GRIA4: variants seen among roughly 807,000 people sequenced by gnomAD.
The protein encoded by GRIA4 is glutamate ionotropic receptor AMPA type subunit 4.
A neutral mutation model predicts 104.0 loss-of-function variants in GRIA4; 34 were observed. That is an observed-to-expected ratio of 0.33 (90% CI 0.25 to 0.44). The LOEUF is 0.44. Among genes scored for constraint, GRIA4 ranks in the 20% least tolerant of loss-of-function variants. The pLI is 1.00. For missense variants in GRIA4, 750 were observed against 1,096.5 expected, an observed-to-expected ratio of 0.68 and a Z score of 4.46; for synonymous variants, 386 against 381.9, an observed-to-expected ratio of 1.01 and a Z score of -0.13.
rs763315951 is a variant in GRIA4, at chr11:105,924,515, A to AT, written c.1594dup (p.Ser532PhefsTer15). ...CTATCATGATCAAAAAGCCTCAGAA[A>AT]TCCAAACCAGGAGTGTTTTCCTTCT... On this transcript the variant is annotated frameshift_variant, in exon 12 of 17. Coordinates refer to ENST00000282499, the MANE Select transcript of GRIA4 (RefSeq NM_000829.4). LOFTEE classifies it high-confidence loss of function. The AT allele has an allele frequency of 6.2e-7, 1 of 1,613,364 alleles. No individual in the cohort carries two copies. The highest frequency in any genetic ancestry group is 8.5e-7 in the Non-Finnish European group (1 of 1,179,476).
intron 5 of GRIA4, among the ~76,000 whole-genome samples, chr11:105,870,285 T>TTATA (rs1945565616): frequency 6.6e-6 from 1 of 151,352 alleles, no homozygotes; most frequent in South Asian, 2.1e-4. Flanking sequence ...CATAATATAA[T>TTATA]TATATAAATA....
intron 3 of GRIA4, among the ~76,000 whole-genome samples, chr11:105,649,102 C>G (rs1951615162): frequency 6.6e-6 from 1 of 152,084 alleles, no homozygotes; most frequent in East Asian, 1.9e-4. Flanking sequence ...ACTTACAACT[C>G]TATAAATAAG....
chr11:105,809,503 A>G (rs545532887), intron 4 of GRIA4, among the ~76,000 whole-genome samples: 17 of 152,244 alleles, frequency 1.1e-4, no homozygotes, highest in Admixed American at 7.9e-4. Flanking sequence ...TCACATGTCA[A>G]AGGAGGGACT....
chr11:105,673,051 T>TA (rs374601078), intron 3 of GRIA4, among the ~76,000 whole-genome samples: 50 of 152,272 alleles, frequency 3.3e-4, no homozygotes, highest in African/African-American at 1.2e-3. Context: ...CCTATGCTCT[T>TA]AGAGTAAACT....
chr11:105,778,472 C>T (rs10791775), intron 4 of GRIA4, among the ~76,000 whole-genome samples: 69,064 of 152,092 alleles, frequency 0.45, 16,101 homozygotes, highest in Middle Eastern at 0.52. Context: ...TTTGGGAGGC[C>T]GAGGTGGGAG....
chr11:105,727,125 G>C (rs1019104277), intron 3 of GRIA4, among the ~76,000 whole-genome samples: 7 of 151,944 alleles, frequency 4.6e-5, no homozygotes, highest in Non-Finnish European at 1.0e-4. Flanking sequence ...ATGGAAGGAA[G>C]CTAAGAACTT....
chr11:105,779,829 T>A (rs917778188), intron 4 of GRIA4, among the ~76,000 whole-genome samples: 2 of 152,080 alleles, frequency 1.3e-5, no homozygotes, highest in African/African-American at 4.8e-5. Context: ...CATGGTAAGC[T>A]AACTATAGAA....
intron 4 of GRIA4, among the ~76,000 whole-genome samples, chr11:105,768,781 C>T (rs1941073213): frequency 6.6e-6 from 1 of 151,818 alleles, no homozygotes; most frequent in Non-Finnish European, 1.5e-5. Flanking sequence ...GGGAAAAATC[C>T]ATATATAAAC....
chr11:105,637,246 T>C (rs368721122), intron 3 of GRIA4, among the ~76,000 whole-genome samples: 1 of 152,184 alleles, frequency 6.6e-6, no homozygotes, highest in Admixed American at 6.6e-5. Context: ...TGTTAATACA[T>C]TTCATGATAT....
intron 10 of GRIA4, among the ~76,000 whole-genome samples, chr11:105,915,226 C>G (rs199908803): frequency 6.6e-6 from 1 of 152,268 alleles, no homozygotes; most frequent in East Asian, 1.9e-4. Flanking sequence ...CTTATGCTGT[C>G]TGCATCACTC....
chr11:105,668,657 C>A (rs1952253797), intron 3 of GRIA4, among the ~76,000 whole-genome samples: 1 of 144,528 alleles, frequency 6.9e-6, no homozygotes, highest in African/African-American at 2.5e-5. Flanking sequence ...ACATCCTTGA[C>A]AACACTTATT....
At chr11:105,636,860 G>C (rs1023961593) in intron 3 of GRIA4, among the ~76,000 whole-genome samples, 1 of 152,148 alleles carries the variant, frequency 6.6e-6, no homozygotes, top group Non-Finnish European at 1.5e-5. Context: ...AACTGAATCA[G>C]TGCAGTGTAT....
intron 5 of GRIA4, among the ~76,000 whole-genome samples, chr11:105,866,551 G>GTGTATATATATATATATATATA (rs1299256765): frequency 5.2e-5 from 4 of 76,712 alleles, no homozygotes; most frequent in African/African-American, 2.0e-4. Flanking sequence ...GTGTGTGTGT[G>GTGTATATATATATATATATATA]TATATATATA....
At position 105,862,015 on chromosome 11, in the gene GRIA4, C is replaced by T. The variant is rs769771146; in HGVS notation, c.488-9C>T. 1.3e-6 allele frequency: 2 copies of T among 1,572,608 alleles called. No homozygotes were observed. The highest frequency in any genetic ancestry group is 1.8e-5 in the Admixed American group (1 of 55,928). The stretch of plus-strand genomic sequence containing the variant: ...GCATGTTTTTAGTAACTTTTTTTTT[C>T]CCCAATAGGATACTCGATACTCCAA... On this transcript the variant is annotated splice_polypyrimidine_tract_variant and intron_variant, in intron 4 of 16. Coordinates refer to ENST00000282499, the MANE Select transcript of GRIA4 (RefSeq NM_000829.4).
intron 14 of GRIA4, among the ~76,000 whole-genome samples, chr11:105,952,143 T>TAGAC (rs1271864150): frequency 6.6e-6 from 1 of 152,126 alleles, no homozygotes; most frequent in Non-Finnish European, 1.5e-5. Flanking sequence ...TTACCTTTAA[T>TAGAC]AGACAGACTT....
At chr11:105,961,423 T>G (rs535002280) in intron 14 of GRIA4, among the ~76,000 whole-genome samples, 1 of 152,336 alleles carries the variant, frequency 6.6e-6, no homozygotes, top group East Asian at 1.9e-4. Context: ...TATTAAGATT[T>G]ATTAAGGACT....
intron 3 of GRIA4, among the ~76,000 whole-genome samples, chr11:105,645,321 G>A (rs1951495573): frequency 6.6e-6 from 1 of 152,138 alleles, no homozygotes; most frequent in Non-Finnish European, 1.5e-5. Context: ...CCTTGGCAGG[G>A]GAGTCAACTG....
intron 3 of GRIA4, among the ~76,000 whole-genome samples, chr11:105,676,387 GC>G (rs1952537075): frequency 6.6e-6 from 1 of 151,548 alleles, no homozygotes; most frequent in South Asian, 2.1e-4. Context: ...CAAACCAAAT[GC>G]CCTTCCTTCA....
chr11:105,821,084 G>A (rs1189835349), intron 4 of GRIA4, among the ~76,000 whole-genome samples: 1 of 152,016 alleles, frequency 6.6e-6, no homozygotes, highest in Non-Finnish European at 1.5e-5. Flanking sequence ...AAATTTCACT[G>A]AATGTTTAGA....
Sources: gnomAD v4.1 joint callset for allele counts (sites outside exome capture counted in the v4.1 genomes callset) on GRCh38, gnomAD v4.1.1 for gene constraint, MANE v1.5 for transcripts, NCBI Gene and HGNC (gene_info 2026-07-23, HGNC 2026-07-21) for gene names.